Variants in AQR observed in about 807,000 individuals in gnomAD.
AQR encodes RNA helicase aquarius.
AQR carries 61 observed loss-of-function variants against 180.5 expected under a neutral mutation model. The observed-to-expected ratio is 0.34, with a 90% CI of 0.28 to 0.42. AQR has a LOEUF of 0.42. Ranked by LOEUF, AQR falls within the 10% of genes least tolerant of loss-of-function variation. AQR has a pLI of 1.00. For missense variants in AQR, 1,281 were observed against 1,798.3 expected (o/e 0.71, Z 5.20); for synonymous variants, 551 against 588.8 (o/e 0.94, Z 0.93).
At chr15:34,955,908 C>CA (rs71119992) in intron 3 of AQR, among the ~76,000 whole-genome samples, 1,914 of 67,996 alleles carry the variant, frequency 0.028, 28 homozygotes, top group African/African-American at 0.066. Flanking sequence ...AACTCCATCT[C>CA]AAAAAAAAAA....
intron 22 of AQR, among the ~76,000 whole-genome samples, chr15:34,895,484 AAGT>A (rs1893230504): frequency 1.3e-5 from 2 of 151,832 alleles, no homozygotes; most frequent in South Asian, 4.2e-4. Context: ...ATATAACGAC[AAGT>A]AGAAGTAAAA....
chr15:34,921,491 A>AT (rs368894374), intron 13 of AQR, among the ~76,000 whole-genome samples: 2,879 of 151,664 alleles, frequency 0.019, 46 homozygotes, highest in Middle Eastern at 0.062. Flanking sequence ...CAAATGGCCA[A>AT]TTTTTTTTCA....
chr15:34,933,031 T>G (rs1306614357), intron 10 of AQR, among the ~76,000 whole-genome samples: 1 of 152,036 alleles, frequency 6.6e-6, no homozygotes, highest in Non-Finnish European at 1.5e-5. Flanking sequence ...TCCAACAAAA[T>G]CCTACATAAA....
Position 34,870,934 on chromosome 15 carries a change from A to G in AQR, c.3598-12T>C, listed in dbSNP as rs764845056. On this transcript the variant is annotated splice_polypyrimidine_tract_variant and intron_variant, in intron 30 of 34. Transcript: ENST00000156471. ...GCCTCTCCAAGATTCTGTAATGCAA[A>G]CATAATCAGACTGTGCATTCATTTG... 4 of 1,603,808 alleles carry G rather than the reference A, an allele frequency of 2.5e-6. No homozygotes were observed. The highest frequency in any genetic ancestry group is 3.4e-6 in the Non-Finnish European group (4 of 1,173,632).
chr15:34,876,805 C>A (rs1265873614), intron 27 of AQR, among the ~76,000 whole-genome samples: 1 of 152,188 alleles, frequency 6.6e-6, no homozygotes, highest in Non-Finnish European at 1.5e-5. Flanking sequence ...ACCACAATGA[C>A]CCATTTCAGT....
At chr15:34,934,145 GAAGAAAAGGA>G (rs1275028867) in intron 10 of AQR, among the ~76,000 whole-genome samples, 2 of 150,592 alleles carry the variant, frequency 1.3e-5, no homozygotes, top group Admixed American at 6.6e-5. Context: ...GAAAAGAAAA[GAAGAAAAGGA>G]AAGAAAAGAA....
chr15:34,871,718 T>C (rs1471991423), intron 30 of AQR, among the ~76,000 whole-genome samples: 1 of 152,080 alleles, frequency 6.6e-6, no homozygotes, highest in East Asian at 1.9e-4. Context: ...TTGTTTCTGT[T>C]CTCTGCGTAA....
intron 5 of AQR, among the ~76,000 whole-genome samples, chr15:34,947,915 G>A (rs1894154939): frequency 6.6e-6 from 1 of 152,128 alleles, no homozygotes; most frequent in South Asian, 2.1e-4. Flanking sequence ...CAGGATTATA[G>A]GCATGAGTGA....
chr15:34,895,760 G>T (rs143283849), intron 22 of AQR, among the ~76,000 whole-genome samples: 116 of 152,174 alleles, frequency 7.6e-4, no homozygotes, highest in African/African-American at 2.6e-3. Flanking sequence ...TACAGTGAGA[G>T]ACTTCAATAG....
At chr15:34,889,394 GTTTAATAGCCAAAGGCT>G (rs1893108235) in intron 24 of AQR, among the ~76,000 whole-genome samples, 1 of 152,136 alleles carries the variant, frequency 6.6e-6, no homozygotes, top group Admixed American at 6.6e-5. Context: ...CAAATATCAT[GTTTAATAGCCAAAGGCT>G]ACATTAAATA....
At chr15:34,920,497 T>A in intron 13 of AQR, 63 bp from the exon 14 acceptor site, 1 of 1,253,026 alleles carries the variant, frequency 8.0e-7, no homozygotes, top group Middle Eastern at 1.9e-4. Flanking sequence ...TTGAAACATG[T>A]ATTTTTACAA....
chr15:34,912,824 T>C (rs1327233884), intron 16 of AQR, among the ~76,000 whole-genome samples: 1 of 152,166 alleles, frequency 6.6e-6, no homozygotes, highest in African/African-American at 2.4e-5. Flanking sequence ...GAATACAACA[T>C]ACCTACAAAG....
At chr15:34,955,437 C>T (rs913995306) in intron 3 of AQR, among the ~76,000 whole-genome samples, 2 of 152,112 alleles carry the variant, frequency 1.3e-5, no homozygotes, top group African/African-American at 2.4e-5. Flanking sequence ...TCTTTTCAGA[C>T]GACTATGTGA....
intron 24 of AQR, among the ~76,000 whole-genome samples, chr15:34,888,950 T>C (rs1189902800): frequency 2.6e-5 from 4 of 152,256 alleles, no homozygotes; most frequent in Admixed American, 2.6e-4. Context: ...ATCTAGGTTA[T>C]GTGTCAGAAT....
At chr15:34,865,641 C>T (rs1395039474) in intron 32 of AQR, among the ~76,000 whole-genome samples, 1 of 152,076 alleles carries the variant, frequency 6.6e-6, no homozygotes, top group Non-Finnish European at 1.5e-5. Context: ...ATTCTAATAG[C>T]CACAAAGTGG....
At chr15:34,897,835 T>G (rs1490359324) in intron 20 of AQR, 130 bp from the exon 21 acceptor site, 1 of 1,002,518 alleles carries the variant, frequency 1.0e-6, no homozygotes, top group Non-Finnish European at 1.4e-6. Flanking sequence ...GAACGATATC[T>G]GTATGTAAAC....
chr15:34,949,151 C>T (rs1003882868), intron 4 of AQR, among the ~76,000 whole-genome samples: 1 of 151,814 alleles, frequency 6.6e-6, no homozygotes, highest in African/African-American at 2.4e-5. Context: ...TGCCACCACG[C>T]CCGGCTAATT....
intron 1 of AQR, among the ~76,000 whole-genome samples, chr15:34,966,986 C>G (rs1326308709): frequency 2.7e-5 from 4 of 149,736 alleles, no homozygotes; most frequent in Non-Finnish European, 4.4e-5. Flanking sequence ...AAGTGATTCT[C>G]CTGCCTCAGC....
intron 3 of AQR, among the ~76,000 whole-genome samples, chr15:34,957,193 G>A (rs1894333143): frequency 6.6e-6 from 1 of 151,530 alleles, no homozygotes; most frequent in South Asian, 2.1e-4. Flanking sequence ...GTCTTGCTCT[G>A]TCGCCCAGGC....
Sources: gnomAD v4.1 joint callset for allele counts (sites outside exome capture counted in the v4.1 genomes callset) on GRCh38, gnomAD v4.1.1 for gene constraint, MANE v1.5 for transcripts, NCBI Gene and HGNC (gene_info 2026-07-23, HGNC 2026-07-21) for gene names.